The following UNC79 variants were observed in gnomAD, a reference collection of about 807,000 sequenced individuals.
The protein encoded by UNC79 is unc-79 subunit of NALCN channel complex.
UNC79 carries 37 observed loss-of-function variants against 283.1 expected under a neutral mutation model. The observed-to-expected ratio is 0.13, with a 90% CI of 0.10 to 0.17. The LOEUF (loss-of-function observed/expected upper bound fraction) is 0.17. UNC79 is among the 10% of genes least tolerant of loss of function. The probability of loss-of-function intolerance (pLI) is 1.00; values close to 1 mark genes in which losing one functional copy is unlikely to be tolerated. For missense variants in UNC79, 2,272 were observed against 3,211.1 expected, an observed-to-expected ratio of 0.71 and a Z score of 7.07; for synonymous variants, 1,107 against 1,200.2, an observed-to-expected ratio of 0.92 and a Z score of 1.61.
chr14:93,453,124 T>C lies in UNC79; in HGVS notation c.23-14547T>C, dbSNP rs2056696122. Among the ~76,000 whole-genome samples, 7 of 152,054 alleles carry C rather than the reference T, an allele frequency of 4.6e-5. No homozygotes were observed. In the South Asian group the frequency reaches 1.2e-3, roughly 27 times the overall value. On this transcript the variant is annotated intron_variant, in intron 1 of 48. Transcript: ENST00000555664. ...GTGGATCCCAAATAATTCCCAGAGG[T>C]TTTCCACATAGCCAGACATTTAAGG... is the stretch of plus-strand genomic sequence containing the variant.
At chr14:93,666,963 G>A (rs749165423) in intron 40 of UNC79, among the ~76,000 whole-genome samples, 3 of 152,112 alleles carry the variant, frequency 2.0e-5, no homozygotes, top group South Asian at 2.1e-4. Context: ...CAATTAGCCA[G>A]TGTGATAGCA....
At chr14:93,536,866 A>G (rs772656355) in intron 11 of UNC79, among the ~76,000 whole-genome samples, 31 of 133,754 alleles carry the variant, frequency 2.3e-4, no homozygotes, top group South Asian at 2.4e-4. Flanking sequence ...AGGGTTTTAT[A>G]TTCGAGCCCT....
At chr14:93,622,622 C>A in exon 30 of UNC79, 1 of 1,614,078 alleles carries the variant, frequency 6.2e-7, no homozygotes, top group East Asian at 2.2e-5. Flanking sequence ...TGCAGAGAAC[C>A]CCACAGAAAG....
intron 47 of UNC79, among the ~76,000 whole-genome samples, chr14:93,695,807 G>A (rs150201446): frequency 0.021 from 3,137 of 146,056 alleles, 98 homozygotes; most frequent in African/African-American, 0.074. Flanking sequence ...CAGGATAATC[G>A]CTTAACCCGG....
At chr14:93,424,575 A>G (rs533485544) in intron 1 of UNC79, among the ~76,000 whole-genome samples, 1 of 152,342 alleles carries the variant, frequency 6.6e-6, no homozygotes, top group East Asian at 1.9e-4. Context: ...GGATGGAACT[A>G]GAAGTCATTA....
upstream of UNC79, among the ~76,000 whole-genome samples, chr14:93,428,207 A>T (rs928526799): frequency 6.6e-6 from 1 of 152,218 alleles, no homozygotes; most frequent in Non-Finnish European, 1.5e-5. Context: ...ATTCAGTAAG[A>T]TGATAGGCAC....
chr14:93,365,293 G>C (rs2054305792), intron 1 of UNC79, among the ~76,000 whole-genome samples: 1 of 149,380 alleles, frequency 6.7e-6, no homozygotes, highest in African/African-American at 2.5e-5. Flanking sequence ...GCTGAGGCAG[G>C]AGAATCACTA....
chr14:93,542,357 G>C, intron 13 of UNC79, 109 bp from the exon 14 acceptor site: 1 of 1,150,610 alleles, frequency 8.7e-7, no homozygotes, highest in Non-Finnish European at 1.2e-6. Flanking sequence ...ATTTCAAACA[G>C]ATTATCTGGG....
intron 1 of UNC79, among the ~76,000 whole-genome samples, chr14:93,441,643 C>T (rs1271224321): frequency 1.3e-5 from 2 of 151,956 alleles, no homozygotes; most frequent in Admixed American, 1.3e-4. Flanking sequence ...AGCTTCTAAC[C>T]TCTTCTCTCT....
intron 14 of UNC79, among the ~76,000 whole-genome samples, chr14:93,563,565 G>C (rs990063050): frequency 2.6e-5 from 4 of 152,052 alleles, no homozygotes; most frequent in African/African-American, 9.7e-5. Context: ...AGGTAGTGCA[G>C]CGGGGGCAGA....
At chr14:93,663,402 G>A (rs1279028871) in intron 40 of UNC79, among the ~76,000 whole-genome samples, 1 of 152,176 alleles carries the variant, frequency 6.6e-6, no homozygotes, top group Admixed American at 6.6e-5. Context: ...TAAGAACAAT[G>A]TGCAAATGTT....
intron 33 of UNC79, among the ~76,000 whole-genome samples, chr14:93,641,652 AGC>A (rs1491166838): frequency 6.6e-6 from 1 of 152,178 alleles, no homozygotes; most frequent in African/African-American, 2.4e-5. Context: ...CTGTCTCAAA[AGC>A]AAAACAAAAC....
chr14:93,473,336 AAC>A (rs2057623658), intron 2 of UNC79, among the ~76,000 whole-genome samples: 1 of 152,282 alleles, frequency 6.6e-6, no homozygotes, highest in East Asian at 1.9e-4. Context: ...AAATTTAAAA[AAC>A]ACACATAAAT....
At chr14:93,429,226 A>C (rs2055796993), upstream of UNC79, among the ~76,000 whole-genome samples, 1 of 152,130 alleles carries the variant, frequency 6.6e-6, no homozygotes, top group South Asian at 2.1e-4. Context: ...ATTTCTTTTT[A>C]CTCAGAACGA....
intron 1 of UNC79, among the ~76,000 whole-genome samples, chr14:93,403,229 T>C (rs781075824): frequency 6.6e-6 from 1 of 152,210 alleles, no homozygotes; most frequent in Non-Finnish European, 1.5e-5. Context: ...CAATCAGATA[T>C]GCATTTTTCT....
At chr14:93,558,663 G>C (rs2062353790) in intron 14 of UNC79, among the ~76,000 whole-genome samples, 1 of 132,320 alleles carries the variant, frequency 7.6e-6, no homozygotes, top group African/African-American at 2.9e-5. Flanking sequence ...GGTTTGCACA[G>C]AGAGCGAGAG....
At chr14:93,361,243 AAAAG>A (rs2054219342) in intron 1 of UNC79, among the ~76,000 whole-genome samples, 1 of 144,604 alleles carries the variant, frequency 6.9e-6, no homozygotes, top group South Asian at 2.2e-4. Context: ...AAAAGAAAAG[AAAAG>A]AAAAGAAAAG....
intron 17 of UNC79, among the ~76,000 whole-genome samples, chr14:93,575,580 T>G (rs1404993858): frequency 6.6e-6 from 1 of 152,104 alleles, no homozygotes; most frequent in Non-Finnish European, 1.5e-5. Flanking sequence ...TTTTTTTTCC[T>G]TGTCTTTTGG....
In UNC79 at chr14:93,621,761, C is replaced by T. The variant is rs2067156766; in HGVS notation, c.4528C>T (p.Leu1510Phe). 6.2e-7 allele frequency: 1 copy of T among 1,613,808 alleles called. No homozygotes were observed. Among genetic ancestry groups the T allele is most frequent in the Non-Finnish European group, 8.5e-7 (1 of 1,179,954 alleles). The change falls in exon 30 of 49, where the codon CTT (leucine) becomes TTT (phenylalanine). Residue 1510 changes from leucine (L) to phenylalanine (F), a missense_variant. Physicochemically the swap from Leu to Phe is conservative, Grantham distance 22. Around this residue, in one of 11 missense-constraint regions of UNC79, gnomAD observed 580 missense variants for 632.2 expected, o/e 0.92. Transcript: ENST00000555664. This position sits in a 1 kb window ranked among gnomAD's most constrained non-coding sequence, Gnocchi z 4.8. ...TCTTGATATAGGGAATGCAGACTCGCTTTTGTTTACATTAGACGAACATCG... is the reference window on the plus strand; with the variant it reads ...TCTTGATATAGGGAATGCAGACTCGTTTTTGTTTACATTAGACGAACATCG...
Sources: allele counts gnomAD v4.1 joint callset (sites outside exome capture counted in the v4.1 genomes callset), GRCh38; gene constraint gnomAD v4.1.1; regional missense constraint gnomAD v4.1.1; non-coding constraint Gnocchi (gnomAD v3.1); transcripts MANE v1.5; gene names NCBI Gene and HGNC (gene_info 2026-07-23, HGNC 2026-07-21).